ARNT: variants seen among roughly 807,000 people sequenced by gnomAD.
ARNT encodes the protein aryl hydrocarbon receptor nuclear translocator.
A neutral mutation model predicts 105.0 loss-of-function variants in ARNT; 30 were observed. The observed-to-expected ratio is 0.29, with a 90% CI of 0.21 to 0.39. ARNT has a LOEUF of 0.39. Among genes scored for constraint, ARNT ranks in the 10% least tolerant of loss-of-function variants. The pLI, the probability that ARNT is intolerant of heterozygous loss-of-function variation, is 1.00. For synonymous variants in ARNT, 304 were observed against 344.0 expected (o/e 0.88, Z 1.29); for missense variants, 748 against 978.7 (o/e 0.76, Z 3.15).
At chr1:150,870,697 T>C (rs587773547) in intron 1 of ARNT, among the ~76,000 whole-genome samples, 1 of 152,036 alleles carries the variant, frequency 6.6e-6, no homozygotes, top group South Asian at 2.1e-4. Flanking sequence ...TTTGTACAGA[T>C]GGGGTTTCAC....
At position 150,810,015 on chromosome 1, in the gene ARNT, C is replaced by G. The variant is rs1224725599; in HGVS notation, c.*2006G>C. 4.4e-6 allele frequency: 1 copy of G among 228,368 alleles called. No individual in the cohort carries two copies. The highest frequency in any genetic ancestry group is 8.7e-6 in the Non-Finnish European group (1 of 114,708). The allele number at this position is 228,368 out of a possible 1,614,324, so 14.1% of individuals were successfully genotyped here. On this transcript the variant is annotated 3_prime_UTR_variant, in exon 22 of 22. Coordinates refer to ENST00000358595, the MANE Select transcript of ARNT (RefSeq NM_001668.4). ...ATGTCTGGAGCTTAAACTATAGATT[C>G]CTCTGGTTGTGGGTGCCTGTTGTTT...
At chr1:150,851,578 A>G (rs1264173013) in intron 3 of ARNT, among the ~76,000 whole-genome samples, 2 of 152,268 alleles carry the variant, frequency 1.3e-5, no homozygotes, top group Non-Finnish European at 2.9e-5. Flanking sequence ...GTGCTCTCTG[A>G]AACATGTGCT....
At chr1:150,844,714 A>G (rs1003332303) in intron 4 of ARNT, among the ~76,000 whole-genome samples, 1 of 148,930 alleles carries the variant, frequency 6.7e-6, no homozygotes, top group Non-Finnish European at 1.5e-5. Flanking sequence ...AGAATTTAAT[A>G]AAAAAAAGTA....
At chr1:150,863,334 C>A (rs141477218) in intron 1 of ARNT, among the ~76,000 whole-genome samples, 1 of 148,270 alleles carries the variant, frequency 6.7e-6, no homozygotes, top group East Asian at 2.0e-4. Context: ...CCAGCCTGGG[C>A]AACAGAATGA....
intron 4 of ARNT, among the ~76,000 whole-genome samples, chr1:150,844,477 C>T (rs1351516542): frequency 2.0e-5 from 3 of 152,072 alleles, no homozygotes; most frequent in African/African-American, 7.2e-5. Context: ...AACTACTTCC[C>T]CTGATATTTC....
intron 2 of ARNT, among the ~76,000 whole-genome samples, chr1:150,856,309 G>A (rs587678287): frequency 1.1e-4 from 17 of 152,028 alleles, no homozygotes; most frequent in African/African-American, 3.1e-4. Context: ...GCATCATGGC[G>A]GGCGCCTGTA....
chr1:150,865,828 G>A (rs1666476719), intron 1 of ARNT, among the ~76,000 whole-genome samples: 1 of 152,096 alleles, frequency 6.6e-6, no homozygotes, highest in Admixed American at 6.6e-5. Flanking sequence ...CCTACTGGTA[G>A]AGCCTATCTT....
At chr1:150,869,559 T>TC (rs1157032880) in intron 1 of ARNT, among the ~76,000 whole-genome samples, 1 of 151,140 alleles carries the variant, frequency 6.6e-6, no homozygotes, top group Non-Finnish European at 1.5e-5. Flanking sequence ...TTTTTTTTTT[T>TC]CCTAGAGACA....
chr1:150,854,651 G>A (rs1165966739), intron 2 of ARNT, among the ~76,000 whole-genome samples: 2 of 151,946 alleles, frequency 1.3e-5, no homozygotes, highest in Admixed American at 6.6e-5. Flanking sequence ...GAGGTCAGGA[G>A]TTCAAGACCA....
chr1:150,832,459 C>T lies in ARNT; in HGVS notation c.804-60G>A, dbSNP rs371357044. The stretch of plus-strand genomic sequence containing the variant: ...GACTGCCCTATCAAAGAACTTTCCA[C>T]AGTAATAGCAGAATAACATGCTCTG... On this transcript the variant is annotated intron_variant, in intron 8 of 21. Transcript: ENST00000358595. 9 of 1,471,360 alleles carry T rather than the reference C, an allele frequency of 6.1e-6. No individual in the cohort carries two copies. The African/African-American group carries it at 6.9e-5, about 11-fold the overall frequency. The allele number at this position is 1,471,360 out of a possible 1,614,324, so 91.1% of individuals were successfully genotyped here.
chr1:150,861,260 T>A, intron 1 of ARNT: 1 of 428,922 alleles, frequency 2.3e-6, no homozygotes, highest in Non-Finnish European at 4.6e-6. Context: ...TAGTCCCAGC[T>A]ACTCGGGGTC....
At chr1:150,851,992 G>C (rs1663688165) in intron 3 of ARNT, among the ~76,000 whole-genome samples, 1 of 151,438 alleles carries the variant, frequency 6.6e-6, no homozygotes, top group East Asian at 1.9e-4. Flanking sequence ...AGGTTGCAGT[G>C]AGCCGAGATT....
chr1:150,869,252 C>A (rs144780356), intron 1 of ARNT, among the ~76,000 whole-genome samples: 139 of 152,188 alleles, frequency 9.1e-4, no homozygotes, highest in African/African-American at 3.2e-3. Context: ...CTGAGGTGGG[C>A]GGATCACAAG....
rs1487069462 is a variant in ARNT, at chr1:150,814,096, G to T, written c.2094C>A (p.Thr698=). ...SPGAAAYPSL[T]NRGSNFAPET... ...ACTCACCAAAGTTAGATCCACGATT[G>T]GTGAGACTAGGGTAGGCAGCAGCAC... The change falls in exon 20 of 22, where the codon ACC becomes ACA. Residue 698 remains threonine, a synonymous_variant. Coordinates refer to ENST00000358595, the MANE Select transcript of ARNT (RefSeq NM_001668.4). 10 of 1,614,008 alleles carry T rather than the reference G, an allele frequency of 6.2e-6. No individual in the cohort carries two copies. Among genetic ancestry groups the T allele is most frequent in the Non-Finnish European group, 8.5e-6 (10 of 1,180,028 alleles).
chr1:150,861,722 T>C (rs949079761), intron 1 of ARNT, among the ~76,000 whole-genome samples: 2 of 152,192 alleles, frequency 1.3e-5, no homozygotes, highest in African/African-American at 2.4e-5. Context: ...CAGCCAGGGT[T>C]TCGGTAATTT....
intron 1 of ARNT, 84 bp downstream of exon 1, chr1:150,876,459 C>A: frequency 6.6e-7 from 1 of 1,523,652 alleles, no homozygotes; most frequent in Non-Finnish European, 8.8e-7. Flanking sequence ...GCTCCAGCTG[C>A]GTCCCCTCAG....
At chr1:150,875,656 G>A (rs1013975783) in intron 1 of ARNT, among the ~76,000 whole-genome samples, 17 of 152,194 alleles carry the variant, frequency 1.1e-4, no homozygotes, top group African/African-American at 4.1e-4. Flanking sequence ...CTGTAACATA[G>A]AGGAAAGAGG....
At chr1:150,823,118 C>T in intron 14 of ARNT, 76 bp downstream of exon 14, 1 of 1,358,614 alleles carries the variant, frequency 7.4e-7, no homozygotes, top group East Asian at 2.6e-5. Context: ...TTACCCCCCA[C>T]ATAGGGCATC....
At chr1:150,852,849 A>C in intron 2 of ARNT, 43 bp from the exon 3 acceptor site, 16 of 1,609,830 alleles carry the variant, frequency 9.9e-6, no homozygotes, top group Non-Finnish European at 1.4e-5. Context: ...TGCTGATAAT[A>C]CAAAACATTA....
Sources: allele counts gnomAD v4.1 joint callset (sites outside exome capture counted in the v4.1 genomes callset), GRCh38; gene constraint gnomAD v4.1.1; transcripts MANE v1.5; gene names NCBI Gene and HGNC (gene_info 2026-07-23, HGNC 2026-07-21).